The following ITPR1 variants were observed in gnomAD, a reference collection of about 807,000 sequenced individuals.
The protein encoded by ITPR1 is inositol 1,4,5-trisphosphate receptor type 1.
A neutral mutation model predicts 318.4 loss-of-function variants in ITPR1; 96 were observed. The ratio of observed to expected loss-of-function variants is 0.30; its 90% CI spans 0.26 to 0.36. The LOEUF (loss-of-function observed/expected upper bound fraction) is 0.36. Ranked by LOEUF, ITPR1 falls within the 10% of genes least tolerant of loss-of-function variation. The pLI is 1.00. For synonymous variants in ITPR1, 1,312 were observed against 1,289.9 expected (o/e 1.02, Z -0.37); for missense variants, 2,440 against 3,460.2 (o/e 0.71, Z 7.40).
intron 3 of ITPR1, among the ~76,000 whole-genome samples, chr3:4,517,756 C>T (rs1031568604): frequency 1.3e-5 from 2 of 152,182 alleles, no homozygotes; most frequent in African/African-American, 4.8e-5. Flanking sequence ...GGCAAAGAGG[C>T]CTCCTTCTGC....
At chr3:4,568,879 T>C (rs571267973) in intron 4 of ITPR1, among the ~76,000 whole-genome samples, 272 of 152,248 alleles carry the variant, frequency 1.8e-3, no homozygotes, top group African/African-American at 6.3e-3. Context: ...AGTTCTGCAG[T>C]CTGTATAAGC....
chr3:4,814,598 GGCGGGT>G, intron 58 of ITPR1, 36 bp downstream of exon 58: 1 of 1,266,168 alleles, frequency 7.9e-7, no homozygotes, highest in Non-Finnish European at 1.1e-6. Context: ...GGGCAAAGGG[GGCGGGT>G]GGGGTGGTTG....
At chr3:4,562,126 C>A (rs1034229374) in intron 4 of ITPR1, among the ~76,000 whole-genome samples, 1 of 150,910 alleles carries the variant, frequency 6.6e-6, no homozygotes, top group African/African-American at 2.4e-5. Flanking sequence ...AAAAAAAAAT[C>A]TCATAATGTT....
At chr3:4,530,857 T>C (rs1177623673) in intron 4 of ITPR1, among the ~76,000 whole-genome samples, 1 of 152,146 alleles carries the variant, frequency 6.6e-6, no homozygotes, top group East Asian at 1.9e-4. Flanking sequence ...ATTGGTCTCA[T>C]TCTCTGAGAG....
At chr3:4,593,335 A>G (rs550003419) in intron 4 of ITPR1, among the ~76,000 whole-genome samples, 94 of 152,310 alleles carry the variant, frequency 6.2e-4, no homozygotes, top group South Asian at 2.5e-3. Context: ...GGAGGCTTAG[A>G]CAAGGTCACA....
intron 46 of ITPR1, among the ~76,000 whole-genome samples, chr3:4,773,268 G>C (rs2046300963): frequency 6.6e-6 from 1 of 152,220 alleles, no homozygotes; most frequent in Non-Finnish European, 1.5e-5. Context: ...AACAGGCAGA[G>C]GGCATTGCCT....
intron 4 of ITPR1, among the ~76,000 whole-genome samples, chr3:4,523,717 T>G (rs2082744979): frequency 6.6e-6 from 1 of 152,202 alleles, no homozygotes; most frequent in African/African-American, 2.4e-5. Context: ...CATAATGTCC[T>G]CCGGGTTCAT....
chr3:4,839,357 C>T (rs1263844848), intron 61 of ITPR1, among the ~76,000 whole-genome samples: 2 of 151,858 alleles, frequency 1.3e-5, no homozygotes, highest in Admixed American at 6.6e-5. Context: ...AGGTATAGGA[C>T]AGTATCCGAG....
At position 4,831,891 on chromosome 3, in the gene ITPR1, T is replaced by C. The variant is rs531079930; in HGVS notation, c.8029-4883T>C. On this transcript the variant is annotated intron_variant, in intron 60 of 61. Coordinates refer to ENST00000649015, the MANE Select transcript of ITPR1 (RefSeq NM_001378452.1). ...AGTAACTGGGTTATAGTCTAAACATTTGCACTTTGAGATTTAGATTCTCTG... is the reference window on the plus strand; with the variant it reads ...AGTAACTGGGTTATAGTCTAAACATCTGCACTTTGAGATTTAGATTCTCTG... Among the ~76,000 whole-genome samples the C allele has an allele frequency of 1.2e-4, 19 of 152,330 alleles. No homozygotes were observed. The East Asian group carries it at 3.3e-3, about 26-fold the overall frequency.
intron 42 of ITPR1, among the ~76,000 whole-genome samples, chr3:4,729,847 G>C (rs950530928): frequency 1.6e-4 from 24 of 151,642 alleles, no homozygotes; most frequent in African/African-American, 5.3e-4. Context: ...GTAAACTGCT[G>C]GAAAAAAACT....
chr3:4,510,143 G>A (rs2081696074), intron 2 of ITPR1, among the ~76,000 whole-genome samples: 1 of 152,172 alleles, frequency 6.6e-6, no homozygotes, highest in Admixed American at 6.5e-5. Flanking sequence ...AGCCACAAGT[G>A]GTGGTGGGAG....
chr3:4,536,199 A>G (rs2083856131), intron 4 of ITPR1, among the ~76,000 whole-genome samples: 1 of 152,148 alleles, frequency 6.6e-6, no homozygotes, highest in Non-Finnish European at 1.5e-5. Flanking sequence ...GATTGGAAAC[A>G]TTGCTCTGGG....
chr3:4,829,954 GTTTTTT>G (rs35099159), intron 60 of ITPR1, among the ~76,000 whole-genome samples: 952 of 27,042 alleles, frequency 0.035, 12 homozygotes, highest in African/African-American at 0.11. Flanking sequence ...ATGTATAACA[GTTTTTT>G]TTTTTTTTTT....
chr3:4,604,473 C>G (rs2091545572), intron 4 of ITPR1, among the ~76,000 whole-genome samples: 1 of 152,114 alleles, frequency 6.6e-6, no homozygotes, highest in Admixed American at 6.5e-5. Flanking sequence ...TATGTGTCTC[C>G]TTTGCTTAGG....
intron 4 of ITPR1, among the ~76,000 whole-genome samples, chr3:4,566,799 T>A (rs1212849615): frequency 6.6e-6 from 1 of 152,260 alleles, no homozygotes; most frequent in African/African-American, 2.4e-5. Context: ...CTAGATATTC[T>A]GTTGGCACCA....
At chr3:4,559,805 G>A (rs1182381113) in intron 4 of ITPR1, among the ~76,000 whole-genome samples, 1 of 152,220 alleles carries the variant, frequency 6.6e-6, no homozygotes, top group African/African-American at 2.4e-5. Context: ...GTAACTTTGT[G>A]TAGGGTCACT....
Position 4,693,703 on chromosome 3 carries a change from A to G in ITPR1, c.4243A>G (p.Ile1415Val), listed in dbSNP as rs762136714. The G allele has an allele frequency of 1.2e-4, 197 of 1,613,726 alleles. No homozygotes were observed. The highest frequency in any genetic ancestry group is 1.6e-4 in the Non-Finnish European group (194 of 1,179,820). Reference sequence around the variant, plus strand: ...CAACTCCCTGCTCCCGCTGGATGACATCGTTCGCGTGGTGACCCACGAGGA... The same window carrying G: ...CAACTCCCTGCTCCCGCTGGATGACGTCGTTCGCGTGGTGACCCACGAGGA... ...KCNSLLPLDD[I>V]VRVVTHEDCI... The change falls in exon 33 of 62, where the codon ATC (isoleucine) becomes GTC (valine). Residue 1415 changes from isoleucine to valine, a missense_variant. Physicochemically the swap from Ile to Val is conservative, Grantham distance 29. This residue lies in a region of ITPR1 where 222 missense variants were observed against 318.8 expected (regional missense o/e 0.70). Transcript: ENST00000649015.
At chr3:4,648,079 G>A (rs1476495434) in intron 10 of ITPR1, among the ~76,000 whole-genome samples, 3 of 152,156 alleles carry the variant, frequency 2.0e-5, no homozygotes, top group South Asian at 4.1e-4. Flanking sequence ...TTGAATCCAG[G>A]AGGCGGAGGT....
At position 4,553,601 on chromosome 3, in the gene ITPR1, CTTTTTTTT is replaced by C. The variant is rs35264136; in HGVS notation, c.163+32516_163+32523del. 2.2e-5 allele frequency among the ~76,000 whole-genome samples: 3 copies of C among 134,350 alleles called. No individual in the cohort carries two copies. The Admixed American group carries it at 2.3e-4, about 10-fold the overall frequency. The allele number at this position is 134,350 out of a possible 152,430, so 88.1% of individuals were successfully genotyped here. A position where few individuals can be genotyped will look rare whatever the true frequency, so the allele number is the denominator to read the frequency against. Reference sequence around the variant, plus strand: ...GCGTGCCACCACGCCTGGATAATTTCTTTTTTTTTTTTTTTTGAGACAGAGTCTCCTTC... The same window carrying C: ...GCGTGCCACCACGCCTGGATAATTTCTTTTTTTTGAGACAGAGTCTCCTTC... On this transcript the variant is annotated intron_variant, in intron 4 of 61. Coordinates refer to ENST00000649015, the MANE Select transcript of ITPR1 (RefSeq NM_001378452.1).
Sources: gnomAD v4.1 joint callset for allele counts (sites outside exome capture counted in the v4.1 genomes callset) on GRCh38, gnomAD v4.1.1 for gene constraint, gnomAD v4.1.1 regional missense constraint, MANE v1.5 for transcripts, NCBI Gene and HGNC (gene_info 2026-07-23, HGNC 2026-07-21) for gene names.